The following PRKCE variants were observed in gnomAD, a reference collection of about 807,000 sequenced individuals.
PRKCE encodes the protein protein kinase C epsilon type.
A neutral mutation model predicts 85.4 loss-of-function variants in PRKCE; 16 were observed. That is an observed-to-expected ratio of 0.19 (90% CI 0.13 to 0.28). The LOEUF (loss-of-function observed/expected upper bound fraction) is 0.28, where lower values mean the gene tolerates loss of function less well. Among genes scored for constraint, PRKCE ranks in the 10% least tolerant of loss-of-function variants. The pLI is 1.00. For missense variants in PRKCE, 573 were observed against 975.2 expected (o/e 0.59, Z 5.49); for synonymous variants, 388 against 371.5 (o/e 1.04, Z -0.51).
chr2:45,812,388 C>G (rs918923755), intron 1 of PRKCE, among the ~76,000 whole-genome samples: 1 of 152,120 alleles, frequency 6.6e-6, no homozygotes, highest in Admixed American at 6.6e-5. Flanking sequence ...GAACTGTTAC[C>G]CAGCAAAACA....
chr2:46,177,915 G>A lies in PRKCE; in HGVS notation c.2068-6820G>A, dbSNP rs563847268. The stretch of plus-strand genomic sequence containing the variant: ...CACTGCACTTGGCACTGTTCAGACC[G>A]CAGAGGCAGGAACTGAGCAGTCACT... On this transcript the variant is annotated intron_variant, in intron 14 of 14. Transcript: ENST00000306156. Among the ~76,000 whole-genome samples the A allele has an allele frequency of 5.3e-5, 8 of 152,262 alleles. No individual in the cohort carries two copies. In the East Asian group the frequency reaches 5.8e-4, roughly 11 times the overall value.
At chr2:45,839,983 C>G (rs1691214968) in intron 1 of PRKCE, among the ~76,000 whole-genome samples, 4 of 152,180 alleles carry the variant, frequency 2.6e-5, no homozygotes, top group Non-Finnish European at 2.9e-5. Context: ...ATGTTAATAT[C>G]CGAATACATT....
Position 46,186,511 on chromosome 2 carries a change from G to A in PRKCE, c.*1630G>A, listed in dbSNP as rs1399863877. The A allele has an allele frequency of 6.6e-6, 1 of 152,532 alleles. No homozygotes were observed. The highest frequency in any genetic ancestry group is 1.5e-5 in the Non-Finnish European group (1 of 68,032). 9.4% of individuals were successfully genotyped at this position (152,532 alleles called of 1,614,324 possible). A position where few individuals can be genotyped will look rare whatever the true frequency, so the allele number is the denominator to read the frequency against. On this transcript the variant is annotated 3_prime_UTR_variant, in exon 15 of 15. Coordinates refer to ENST00000306156, the MANE Select transcript of PRKCE (RefSeq NM_005400.3). The stretch of plus-strand genomic sequence containing the variant: ...AGAATAATTATAATAATGTCCAGGT[G>A]CAATACTCTGTAAGTCTATTGGTTC...
At position 45,697,788 on chromosome 2, in the gene PRKCE, A is replaced by T. The variant is rs1048792412; in HGVS notation, c.348+45340A>T. 2.0e-5 allele frequency among the ~76,000 whole-genome samples: 3 copies of T among 152,090 alleles called. No homozygotes were observed. Among genetic ancestry groups the T allele is most frequent in the African/African-American group, 7.2e-5 (3 of 41,402 alleles). On this transcript the variant is annotated intron_variant, in intron 1 of 14. Transcript: ENST00000306156. This position sits in a 1 kb window ranked among gnomAD's most constrained non-coding sequence, Gnocchi z 4.2. ...AAAGGACAGACTACCTCTGCTGACCACCCCAATTTCCAGCAAGCTTTTTAA... is the reference window on the plus strand; with the variant it reads ...AAAGGACAGACTACCTCTGCTGACCTCCCCAATTTCCAGCAAGCTTTTTAA...
chr2:46,059,720 C>A (rs933550333), intron 10 of PRKCE, among the ~76,000 whole-genome samples: 4 of 151,734 alleles, frequency 2.6e-5, no homozygotes, highest in Admixed American at 1.3e-4. Context: ...GGGGGATCAC[C>A]TGAGCCCAGG....
At chr2:45,996,440 C>T (rs1008392953) in intron 6 of PRKCE, among the ~76,000 whole-genome samples, 1 of 152,018 alleles carries the variant, frequency 6.6e-6, no homozygotes, top group Non-Finnish European at 1.5e-5. Context: ...TTTTGTGTTC[C>T]TGATCTTAGT....
intron 2 of PRKCE, among the ~76,000 whole-genome samples, chr2:45,853,840 C>T (rs1360425026): frequency 6.6e-6 from 1 of 152,126 alleles, no homozygotes; most frequent in Non-Finnish European, 1.5e-5. Flanking sequence ...CGGATACTTA[C>T]TAGGGACTTT....
Position 46,007,635 on chromosome 2 carries a change from G to A in PRKCE, c.1237G>A (p.Val413Met), listed in dbSNP as rs1260510298. 6.3e-7 allele frequency: 1 copy of A among 1,599,782 alleles called. No homozygotes were observed. The highest frequency in any genetic ancestry group is 8.5e-7 in the Non-Finnish European group (1 of 1,179,958). ...LGLDEFNFIK[V>M]LGKGSFGKVM... ...CCTGGATGAGTTCAACTTCATCAAGGTGTTGGGCAAAGGCAGCTTTGGCAA... is the reference window on the plus strand; with the variant it reads ...CCTGGATGAGTTCAACTTCATCAAGATGTTGGGCAAAGGCAGCTTTGGCAA... The change falls in exon 9 of 15, where the codon GTG becomes ATG. Residue 413 changes from valine to methionine, a missense_variant. By Grantham distance (21) the Val-to-Met change is conservative. Coordinates refer to ENST00000306156, the MANE Select transcript of PRKCE (RefSeq NM_005400.3).
intron 1 of PRKCE, among the ~76,000 whole-genome samples, chr2:45,736,972 G>A (rs67423458): frequency 0.013 from 2,001 of 152,296 alleles, 16 homozygotes; most frequent in Non-Finnish European, 0.021. Flanking sequence ...ATGAGCAGAT[G>A]GAAGAGGGGC....
intron 2 of PRKCE, among the ~76,000 whole-genome samples, chr2:45,969,904 C>T (rs889682862): frequency 6.6e-6 from 1 of 152,202 alleles, no homozygotes; most frequent in Non-Finnish European, 1.5e-5. Flanking sequence ...TCTTCACCCT[C>T]TTAAAGTTGC....
rs138391563 is a variant in PRKCE at position 45,972,526 on chromosome 2, A to G, written c.413-3903A>G. ...TTGCCTTTTTGGTGTCATATCTAAG[A>G]AATCATTGCCAAGACCAATGTCAAG... On this transcript the variant is annotated intron_variant, in intron 2 of 14. Coordinates refer to ENST00000306156, the MANE Select transcript of PRKCE (RefSeq NM_005400.3). Among the ~76,000 whole-genome samples the G allele has an allele frequency of 2.3e-3, 353 of 152,324 alleles. 1 individual carries two copies. Among genetic ancestry groups the G allele is most frequent in the African/African-American group, 7.8e-3 (325 of 41,578 alleles).
At chr2:46,039,466 G>C (rs1222525123) in intron 10 of PRKCE, among the ~76,000 whole-genome samples, 2 of 152,022 alleles carry the variant, frequency 1.3e-5, no homozygotes, top group Non-Finnish European at 2.9e-5. Flanking sequence ...ACTGAGGCCT[G>C]TTCTTCTAAC....
At chr2:45,721,944 T>C (rs1374034320) in intron 1 of PRKCE, among the ~76,000 whole-genome samples, 1 of 151,826 alleles carries the variant, frequency 6.6e-6, no homozygotes, top group African/African-American at 2.4e-5. Flanking sequence ...ACTACTGCTT[T>C]TCAAACTTTT....
At chr2:45,841,331 C>T (rs933986095) in intron 1 of PRKCE, among the ~76,000 whole-genome samples, 2 of 152,214 alleles carry the variant, frequency 1.3e-5, no homozygotes, top group African/African-American at 4.8e-5. Flanking sequence ...GGAAAGCCGA[C>T]AGGGCAGCCT....
intron 11 of PRKCE, among the ~76,000 whole-genome samples, chr2:46,135,839 T>C (rs1056611679): frequency 6.8e-6 from 1 of 146,306 alleles, no homozygotes; most frequent in Non-Finnish European, 1.5e-5. Context: ...TTTGAGGGAC[T>C]TGCTTCCTGA....
In PRKCE at chr2:46,179,586, C is replaced by T. The variant is rs185625199; in HGVS notation, c.2068-5149C>T. On this transcript the variant is annotated intron_variant, in intron 14 of 14. Transcript: ENST00000306156. ...GAGGGAATCGGAATGTTGTTTTCCT[C>T]TAACATCAGCCACAGGGGTCAGACA... Among the ~76,000 whole-genome samples, 117 of 152,298 alleles carry T rather than the reference C, an allele frequency of 7.7e-4. 1 individual carries two copies. Among genetic ancestry groups the T allele is most frequent in the Non-Finnish European group, 8.8e-5 (6 of 68,030 alleles).
intron 11 of PRKCE, among the ~76,000 whole-genome samples, chr2:46,116,856 G>A (rs138509105): frequency 4.0e-4 from 61 of 152,226 alleles, no homozygotes; most frequent in South Asian, 2.3e-3. Context: ...GTACTGCAGC[G>A]GTTAGGTCTG....
chr2:46,024,385 A>G (rs895903571), intron 10 of PRKCE, among the ~76,000 whole-genome samples: 2 of 151,074 alleles, frequency 1.3e-5, no homozygotes, highest in African/African-American at 4.9e-5. Context: ...TGTTTTTACC[A>G]TGACGTTCCA....
chr2:45,937,621 A>G (rs925062185), intron 2 of PRKCE, among the ~76,000 whole-genome samples: 1 of 152,166 alleles, frequency 6.6e-6, no homozygotes, highest in African/African-American at 2.4e-5. Flanking sequence ...AGGCTGAGGC[A>G]GGAAAATGGT....
Sources: gnomAD v4.1 joint callset for allele counts (sites outside exome capture counted in the v4.1 genomes callset) on GRCh38, gnomAD v4.1.1 for gene constraint, Gnocchi (gnomAD v3.1) non-coding constraint, MANE v1.5 for transcripts, NCBI Gene and HGNC (gene_info 2026-07-23, HGNC 2026-07-21) for gene names.